The following ADAM21 variants were observed in gnomAD, a reference collection of about 807,000 sequenced individuals.
ADAM21 encodes disintegrin and metalloproteinase domain-containing protein 21.
For missense variants in ADAM21, 678 were observed against 874.4 expected (o/e 0.78, Z 2.83); for synonymous variants, 262 against 306.0 (o/e 0.86, Z 1.50).
rs185589078 is a variant in ADAM21 at position 70,459,114 on chromosome 14, C to T, written c.1615C>T (p.Arg539Cys). ...CYKEINSQGN[R>C]FGHCGINGTT... is the part of the protein sequence containing the mutation. The stretch of plus-strand genomic sequence containing the variant: ...TAAAGAAATCAATTCTCAGGGAAAC[C>T]GTTTTGGTCACTGTGGTATAAATGG... The change falls in exon 2 of 2, where the codon CGT becomes TGT. Residue 539 changes from arginine to cysteine, a missense_variant. Physicochemically the swap from Arg to Cys is radical, Grantham distance 180 (BLOSUM62 -3). Coordinates refer to ENST00000603540, the MANE Select transcript of ADAM21 (RefSeq NM_003813.4). 1.1e-5 allele frequency: 17 copies of T among 1,611,532 alleles called. No homozygotes were observed. The highest frequency in any genetic ancestry group is 1.6e-4 in the Middle Eastern group (1 of 6,072).
Position 70,459,449 on chromosome 14 carries a change from C to T in ADAM21, c.1950C>T (p.His650=), listed in dbSNP as rs1285553024. The T allele has an allele frequency of 1.2e-6, 2 of 1,614,136 alleles. No homozygotes were observed. The highest frequency in any genetic ancestry group is 4.5e-5 in the East Asian group (2 of 44,900). Residue 650 remains histidine, a synonymous_variant, in exon 2 of 2, where the codon CAC becomes CAT. Transcript: ENST00000603540. ...AGGGGATCTGCAATAACAAACATCA[C>T]TGCCACTGTGGCTATGGGTGGTCCC... ...NMKGICNNKH[H]CHCGYGWSPP...
At chr14:70,452,797 GA>G (rs1889056505) in intron 1 of ADAM21, among the ~76,000 whole-genome samples, 1 of 152,168 alleles carries the variant, frequency 6.6e-6, no homozygotes, top group African/African-American at 2.4e-5. Context: ...ACAGTCCTGG[GA>G]AAATCAGGAT....
chr14:70,459,398 C>T lies in ADAM21; in HGVS notation c.1899C>T (p.Val633=), dbSNP rs1411117444. The T allele has an allele frequency of 1.7e-5, 27 of 1,614,124 alleles. No individual in the cohort carries two copies. In the East Asian group the frequency reaches 6.0e-4, roughly 36 times the overall value. Residue 633 remains valine, a synonymous_variant, in exon 2 of 2, where the codon GTC becomes GTT. Transcript: ENST00000603540. ...TCAGTCTGTCTGTCTTGTCACATGT[C>T]TGCCTTCCTGAGACCTGCAATATGA... ...KCVSLSVLSH[V]CLPETCNMKG...
chr14:70,453,823 C>T (rs1594981270), intron 1 of ADAM21, among the ~76,000 whole-genome samples: 2 of 152,194 alleles, frequency 1.3e-5, no homozygotes, highest in Admixed American at 6.5e-5. Flanking sequence ...CTTTGCTTTT[C>T]TCTTCCATGC....
chr14:70,454,800 G>A (rs1322812253), intron 1 of ADAM21, among the ~76,000 whole-genome samples: 4 of 152,150 alleles, frequency 2.6e-5, no homozygotes, highest in African/African-American at 9.7e-5. Context: ...TTGAGGGTAG[G>A]AATTTTGGTG....
intron 1 of ADAM21, among the ~76,000 whole-genome samples, chr14:70,455,409 C>T (rs1889090702): frequency 6.6e-6 from 1 of 152,038 alleles, no homozygotes; most frequent in Non-Finnish European, 1.5e-5. Flanking sequence ...GCCTGATGCA[C>T]GTACAAGATG....
rs1008785229 is a variant in ADAM21 at position 70,459,783 on chromosome 14, A to G, written c.*115A>G. The G allele has an allele frequency of 5.5e-6, 7 of 1,283,448 alleles. No individual in the cohort carries two copies. In the African/African-American group the frequency reaches 8.9e-5, roughly 16 times the overall value. 79.5% of individuals were successfully genotyped at this position (1,283,448 alleles called of 1,614,324 possible). On this transcript the variant is annotated 3_prime_UTR_variant, in exon 2 of 2. Transcript: ENST00000603540. The stretch of plus-strand genomic sequence containing the variant: ...TTTCTGACCATTTCCAGAAAGCTGC[A>G]AAGATCTTCCCTTACATTAGTACCA...
At chr14:70,452,790 G>A (rs1889056399) in intron 1 of ADAM21, among the ~76,000 whole-genome samples, 1 of 152,214 alleles carries the variant, frequency 6.6e-6, no homozygotes, top group Non-Finnish European at 1.5e-5. Flanking sequence ...AACCAGGACA[G>A]TCCTGGGAAA....
Position 70,459,537 on chromosome 14 carries a change from A to G in ADAM21, c.2038A>G (p.Arg680Gly), listed in dbSNP as rs746608674. 1 of 1,614,160 alleles carries G rather than the reference A, an allele frequency of 6.2e-7. No homozygotes were observed. The highest frequency in any genetic ancestry group is 1.1e-5 in the South Asian group (1 of 91,084). Residue 680 changes from arginine to glycine, a missense_variant, in exon 2 of 2, where the codon AGA becomes GGA. Transcript: ENST00000603540. ...SIDSGPASAKRGVFLPLIVIP... is the reference protein window; with the variant it reads ...SIDSGPASAKGGVFLPLIVIP... Reference sequence around the variant, plus strand: ...TGACAGTGGCCCAGCATCTGCAAAGAGAGGAGTTTTTTTGCCGCTGATTGT... The same window carrying G: ...TGACAGTGGCCCAGCATCTGCAAAGGGAGGAGTTTTTTTGCCGCTGATTGT...
intron 1 of ADAM21, among the ~76,000 whole-genome samples, chr14:70,454,030 G>A: frequency 6.6e-6 from 1 of 152,200 alleles, no homozygotes; most frequent in Admixed American, 6.5e-5. Flanking sequence ...AGAAAGGAAA[G>A]GTACTTGGTT....
chr14:70,458,869 T>C lies in ADAM21; in HGVS notation c.1370T>C (p.Phe457Ser). Residue 457 changes from phenylalanine to serine, a missense_variant, in exon 2 of 2, where the codon TTC (phenylalanine) becomes TCC (serine). Coordinates refer to ENST00000603540, the MANE Select transcript of ADAM21 (RefSeq NM_003813.4). The stretch of plus-strand genomic sequence containing the variant: ...GGGCTTTGTTGCAAAGACTGCAAGT[T>C]CATGCCATCAGGGGAACTCTGTAGA... The part of the protein sequence containing the change: ...AFGLCCKDCK[F>S]MPSGELCRQE... The C allele has an allele frequency of 6.2e-7, 1 of 1,614,172 alleles. No individual in the cohort carries two copies. Among genetic ancestry groups the C allele is most frequent in the East Asian group, 2.2e-5 (1 of 44,894 alleles).
chr14:70,459,115 GT>G lies in ADAM21; in HGVS notation c.1620del (p.Phe540LeufsTer6). ...CYKEINSQGN[R>X]FGHCGINGTT... ...AAAGAAATCAATTCTCAGGGAAACC[GT>G]TTTGGTCACTGTGGTATAAATGGCA... On this transcript the variant is annotated frameshift_variant, in exon 2 of 2. Coordinates refer to ENST00000603540, the MANE Select transcript of ADAM21 (RefSeq NM_003813.4). LOFTEE classifies it low-confidence loss of function (END_TRUNC). 6.2e-7 allele frequency: 1 copy of G among 1,611,960 alleles called. No homozygotes were observed. The highest frequency in any genetic ancestry group is 8.5e-7 in the Non-Finnish European group (1 of 1,178,882).
chr14:70,458,823 C>A lies in ADAM21; in HGVS notation c.1324C>A (p.Pro442Thr), dbSNP rs369021000. Residue 442 changes from proline to threonine, a missense_variant, in exon 2 of 2, where the codon CCT (proline) becomes ACT (threonine). Coordinates refer to ENST00000603540, the MANE Select transcript of ADAM21 (RefSeq NM_003813.4). The stretch of plus-strand genomic sequence containing the variant: ...TTGTCTGTTGAACTGCACTCTAAGG[C>A]CTGGGGCTGCCTGTGCTTTTGGGCT... ...ACCLLNCTLR[P>T]GAACAFGLCC... 6.2e-7 allele frequency: 1 copy of A among 1,614,018 alleles called. No homozygotes were observed. The highest frequency in any genetic ancestry group is 8.5e-7 in the Non-Finnish European group (1 of 1,180,034).
intron 1 of ADAM21, among the ~76,000 whole-genome samples, chr14:70,453,252 A>C (rs1889063463): frequency 6.6e-6 from 1 of 152,212 alleles, no homozygotes; most frequent in South Asian, 2.1e-4. Flanking sequence ...CATGACTCTA[A>C]TGGGACAGAT....
chr14:70,458,487 G>T lies in ADAM21; in HGVS notation c.988G>T (p.Asp330Tyr), dbSNP rs776408047. 1 of 1,613,892 alleles carries T rather than the reference G, an allele frequency of 6.2e-7. No homozygotes were observed. The highest frequency in any genetic ancestry group is 1.7e-5 in the Admixed American group (1 of 59,970). The change falls in exon 2 of 2, where the codon GAT becomes TAT. Residue 330 changes from aspartate to tyrosine, a missense_variant. Transcript: ENST00000603540. Reference protein sequence around the residue: ...IDCGVDNFQGDTWSLFANTVA... With the variant: ...IDCGVDNFQGYTWSLFANTVA... ...TTGTGGAGTTGATAATTTTCAAGGA[G>T]ATACCTGGTCTCTTTTTGCCAACAC...
chr14:70,457,364 C>T lies in ADAM21; in HGVS notation c.-136C>T. 1 of 1,375,376 alleles carries T rather than the reference C, an allele frequency of 7.3e-7. No individual in the cohort carries two copies. Among genetic ancestry groups the T allele is most frequent in the Non-Finnish European group, 1.0e-6 (1 of 993,068 alleles). The allele number at this position is 1,375,376 out of a possible 1,614,324, so 85.2% of individuals were successfully genotyped here. A position where few individuals can be genotyped will look rare whatever the true frequency, so the allele number is the denominator to read the frequency against. On this transcript the variant is annotated 5_prime_UTR_variant, in exon 2 of 2. Transcript: ENST00000603540. ...TTACTTCCAGCACTGCAGTTCTGAT[C>T]TAACTCTGCCAGGACACAGATCCAC...
At position 70,458,433 on chromosome 14, in the gene ADAM21, G is replaced by A. The variant is rs781634898; in HGVS notation, c.934G>A (p.Val312Ile). 1.6e-5 allele frequency: 26 copies of A among 1,614,070 alleles called. No individual in the cohort carries two copies. Among genetic ancestry groups the A allele is most frequent in the African/African-American group, 1.2e-4 (9 of 74,918 alleles). Residue 312 changes from valine (V) to isoleucine (I), a missense_variant, in exon 2 of 2, where the codon GTT becomes ATT. By Grantham distance (29) the Val-to-Ile change is conservative. Transcript: ENST00000603540. ...TATAAGTATACTTGGCCTAGCCTAT[G>A]TTGCAGGAATATGTCGTCCACCTAT... ...SLISILGLAYVAGICRPPIDC... is the reference protein window; with the variant it reads ...SLISILGLAYIAGICRPPIDC...
intron 1 of ADAM21, chr14:70,453,528 A>T (rs150836960): frequency 6.6e-6 from 1 of 152,290 alleles, no homozygotes; most frequent in East Asian, 1.9e-4. Context: ...GAAGACAATG[A>T]GTCTGGTTTT....
rs770428722 is a variant in ADAM21, at chr14:70,458,372, G to T, written c.873G>T (p.Gln291His). ...QWKQISLSQL[Q>H]HDAAHMFIKN... ...AACAAATCAGTCTTTCCCAGCTACA[G>T]CATGATGCTGCACATATGTTCATAA... The change falls in exon 2 of 2, where the codon CAG (glutamine) becomes CAT (histidine). Residue 291 changes from glutamine to histidine, a missense_variant. Coordinates refer to ENST00000603540, the MANE Select transcript of ADAM21 (RefSeq NM_003813.4). 18 of 1,614,186 alleles carry T rather than the reference G, an allele frequency of 1.1e-5. No individual in the cohort carries two copies. The South Asian group carries it at 1.8e-4, about 16-fold the overall frequency.
Sources: allele counts gnomAD v4.1 joint callset (sites outside exome capture counted in the v4.1 genomes callset), GRCh38; gene constraint gnomAD v4.1.1; transcripts MANE v1.5; gene names NCBI Gene and HGNC (gene_info 2026-07-23, HGNC 2026-07-21).